The following HDAC4 variants were observed in gnomAD, a reference collection of about 807,000 sequenced individuals.
HDAC4 encodes histone deacetylase A.
Under a neutral mutation model 135.1 loss-of-function variants are expected in HDAC4, and 16 were observed. The observed-to-expected ratio is 0.12, with a 90% CI of 0.08 to 0.18. The LOEUF is 0.18. HDAC4 is among the 10% of genes least tolerant of loss of function. The probability of loss-of-function intolerance (pLI) is 1.00; values close to 1 mark genes in which losing one functional copy is unlikely to be tolerated. For missense variants in HDAC4, 1,143 were observed against 1,511.8 expected, an observed-to-expected ratio of 0.76 and a Z score of 4.05; for synonymous variants, 685 against 653.4, an observed-to-expected ratio of 1.05 and a Z score of -0.74.
rs548020791 is a variant in HDAC4, at chr2:239,053,028, G to A, written c.*69C>T. 121 of 1,584,792 alleles carry A rather than the reference G, an allele frequency of 7.6e-5. No individual in the cohort carries two copies. The highest frequency in any genetic ancestry group is 9.9e-5 in the Non-Finnish European group (114 of 1,153,314). On this transcript the variant is annotated 3_prime_UTR_variant, in exon 27 of 27. Coordinates refer to ENST00000543185, the MANE Select transcript of HDAC4 (RefSeq NM_001378414.1). ...CCACGGTGGGACGCAGGCGTGACAC[G>A]GGAAAGTTTCTTGGCTGAGCTTCAA...
At chr2:239,072,826 T>G (rs1201253032) in intron 22 of HDAC4, among the ~76,000 whole-genome samples, 2 of 152,152 alleles carry the variant, frequency 1.3e-5, no homozygotes, top group Non-Finnish European at 2.9e-5. Flanking sequence ...CAGATCAGAA[T>G]CTTATTGAAA....
At chr2:239,103,723 C>T (rs1363162347) in intron 15 of HDAC4, among the ~76,000 whole-genome samples, 2 of 152,254 alleles carry the variant, frequency 1.3e-5, no homozygotes, top group African/African-American at 4.8e-5. Flanking sequence ...CTGCAGGCCT[C>T]GGTGTCCACC....
At chr2:239,096,348 ACCCCACCGACAGATGCCTGCAAC>A (rs2037035248) in intron 16 of HDAC4, among the ~76,000 whole-genome samples, 1 of 80,656 alleles carries the variant, frequency 1.2e-5, no homozygotes, top group Admixed American at 1.2e-4. Flanking sequence ...GGACGCCCAC[ACCCCACCGACAGATGCCTGCAAC>A]CCCCCCCGAC....
intron 17 of HDAC4, chr2:239,091,304 G>A (rs2036483091): frequency 6.6e-6 from 1 of 152,320 alleles, no homozygotes; most frequent in African/African-American, 2.4e-5. Context: ...GCTGGCCCCA[G>A]GGAACCTGAG....
At position 239,246,220 on chromosome 2, in the gene HDAC4, G is replaced by A. The variant is rs575265817; in HGVS notation, c.23-9556C>T. Reference sequence around the variant, plus strand: ...CAGAGCCCGGTGGGGAGGCAAACGCGGGCAGGAGTGAGCCACGGGGGAAAG... The same window carrying A: ...CAGAGCCCGGTGGGGAGGCAAACGCAGGCAGGAGTGAGCCACGGGGGAAAG... On this transcript the variant is annotated intron_variant, in intron 2 of 26. Coordinates refer to ENST00000543185, the MANE Select transcript of HDAC4 (RefSeq NM_001378414.1). 9.2e-5 allele frequency among the ~76,000 whole-genome samples: 14 copies of A among 152,288 alleles called. No individual in the cohort carries two copies. In the South Asian group the frequency reaches 1.0e-3, roughly 11 times the overall value.
chr2:239,295,851 CAA>C (rs1444168386), intron 2 of HDAC4, among the ~76,000 whole-genome samples: 1 of 152,202 alleles, frequency 6.6e-6, no homozygotes, highest in Non-Finnish European at 1.5e-5. Context: ...AACCACATCA[CAA>C]GTGCCCCCAG....
At chr2:239,311,608 C>G (rs139676698) in intron 2 of HDAC4, among the ~76,000 whole-genome samples, 19 of 152,264 alleles carry the variant, frequency 1.2e-4, no homozygotes, top group Non-Finnish European at 2.5e-4. Flanking sequence ...GGGAGAGGGA[C>G]ACTGTGACCC....
In HDAC4 at chr2:239,240,436, C is replaced by T. The variant is rs949232125; in HGVS notation, c.23-3772G>A. 2.0e-5 allele frequency among the ~76,000 whole-genome samples: 3 copies of T among 152,232 alleles called. No homozygotes were observed. Among genetic ancestry groups the T allele is most frequent in the Admixed American group, 2.0e-4 (3 of 15,290 alleles). On this transcript the variant is annotated intron_variant, in intron 2 of 26. Transcript: ENST00000543185. The surrounding 1 kb of genome is among the most constrained non-coding windows in gnomAD (Gnocchi z 4.5). ...TGAGAGGTGGAATTTCCATATTTAT[C>T]TGCCTCTGGGCTGAAATTTCTCAGG...
intron 2 of HDAC4, among the ~76,000 whole-genome samples, chr2:239,251,331 G>A (rs1328366962): frequency 6.6e-6 from 1 of 152,062 alleles, no homozygotes; most frequent in South Asian, 2.1e-4. Flanking sequence ...AGTGGTTCAC[G>A]CCTGTAATCC....
chr2:239,390,789 C>T (rs1280831978), intron 1 of HDAC4, among the ~76,000 whole-genome samples: 2 of 152,318 alleles, frequency 1.3e-5, no homozygotes, highest in African/African-American at 2.4e-5. Flanking sequence ...CACCCAGCCA[C>T]GCAGCCTCCC....
At chr2:239,149,656 C>T (rs1245580198) in intron 7 of HDAC4, among the ~76,000 whole-genome samples, 4 of 152,208 alleles carry the variant, frequency 2.6e-5, no homozygotes, top group African/African-American at 9.6e-5. Flanking sequence ...GGCAGCCCCG[C>T]TGCCCAGCTC....
chr2:239,354,629 C>G (rs1285304588), intron 1 of HDAC4, among the ~76,000 whole-genome samples: 1 of 114,608 alleles, frequency 8.7e-6, no homozygotes, highest in African/African-American at 3.4e-5. Context: ...ACCAGTTCAT[C>G]ATGTAAAGAA....
At chr2:239,231,852 G>A (rs1293279941) in intron 3 of HDAC4, among the ~76,000 whole-genome samples, 4 of 119,280 alleles carry the variant, frequency 3.4e-5, no homozygotes, top group African/African-American at 7.1e-5. Flanking sequence ...CGTCCTCCCC[G>A]AAGCGCCCCT....
At chr2:239,102,410 C>CT (rs767516799) in intron 16 of HDAC4, among the ~76,000 whole-genome samples, 10 of 152,372 alleles carry the variant, frequency 6.6e-5, no homozygotes, top group Non-Finnish European at 1.2e-4. Context: ...CCTAGGCCTC[C>CT]TCCTGGTCTT....
At chr2:239,095,301 T>C (rs890103369) in intron 16 of HDAC4, among the ~76,000 whole-genome samples, 11 of 152,208 alleles carry the variant, frequency 7.2e-5, no homozygotes, top group African/African-American at 2.6e-4. Context: ...CTCAAATTGT[T>C]GTGGCATCAG....
intron 1 of HDAC4, among the ~76,000 whole-genome samples, chr2:239,388,965 C>G: frequency 6.6e-6 from 1 of 152,276 alleles, no homozygotes; most frequent in East Asian, 1.9e-4. Flanking sequence ...AGAACCCTGC[C>G]GAGGGCTTCT....
At chr2:239,204,730 G>A (rs891222011) in intron 3 of HDAC4, among the ~76,000 whole-genome samples, 12 of 152,176 alleles carry the variant, frequency 7.9e-5, no homozygotes, top group African/African-American at 2.4e-4. Flanking sequence ...CCCTGGGAAT[G>A]GGTCAGGTTT....
intron 4 of HDAC4, chr2:239,187,245 G>A (rs1465343170): frequency 6.6e-6 from 1 of 152,598 alleles, no homozygotes; most frequent in Non-Finnish European, 1.5e-5. Flanking sequence ...GGGGGCTTCT[G>A]AGAGGCACAG....
At position 239,245,982 on chromosome 2, in the gene HDAC4, AC is replaced by A. The variant is rs963076779; in HGVS notation, c.23-9319del. Among the ~76,000 whole-genome samples the A allele has an allele frequency of 4.6e-5, 7 of 152,154 alleles. No homozygotes were observed. The highest frequency in any genetic ancestry group is 1.4e-4 in the African/African-American group (6 of 41,436). Reference sequence around the variant, plus strand: ...AGAGGCCTGGCCCCGGCCCAGCAGAACCGGCAACCCACACTGGCTGCCTGCG... The same window carrying A: ...AGAGGCCTGGCCCCGGCCCAGCAGAACGGCAACCCACACTGGCTGCCTGCG... On this transcript the variant is annotated intron_variant, in intron 2 of 26. Transcript: ENST00000543185. The surrounding 1 kb of genome is among the most constrained non-coding windows in gnomAD (Gnocchi z 4.4).
Sources: gnomAD v4.1 joint callset for allele counts (sites outside exome capture counted in the v4.1 genomes callset) on GRCh38, gnomAD v4.1.1 for gene constraint, Gnocchi (gnomAD v3.1) non-coding constraint, MANE v1.5 for transcripts, NCBI Gene and HGNC (gene_info 2026-07-23, HGNC 2026-07-21) for gene names.